Variants in ATP11A observed in about 807,000 individuals in gnomAD.
ATP11A encodes phospholipid-transporting ATPase IH.
A neutral mutation model predicts 154.4 loss-of-function variants in ATP11A; 81 were observed. The ratio of observed to expected loss-of-function variants is 0.52; its 90% CI spans 0.44 to 0.63. The LOEUF (loss-of-function observed/expected upper bound fraction) is 0.63, where lower values mean the gene tolerates loss of function less well. ATP11A is among the 30% of genes least tolerant of loss of function. The pLI, the probability that ATP11A is intolerant of heterozygous loss-of-function variation, is 0.00. For synonymous variants in ATP11A, 623 were observed against 585.9 expected (o/e 1.06, Z -0.91); for missense variants, 1,316 against 1,474.3 (o/e 0.89, Z 1.76).
chr13:112,805,198 A>T, intron 3 of ATP11A, 152 bp downstream of exon 3: 1 of 499,972 alleles, frequency 2.0e-6, no homozygotes, highest in Non-Finnish European at 3.4e-6. Context: ...GGAAGGGCAA[A>T]ATGTCTTGGT....
In ATP11A at chr13:112,838,668, G is replaced by A. The variant is rs2079307616; in HGVS notation, c.1705+2417G>A. 1.1e-4 allele frequency among the ~76,000 whole-genome samples: 16 copies of A among 152,232 alleles called. 1 individual carries two copies. Among genetic ancestry groups the A allele is most frequent in the Admixed American group, 1.0e-3 (16 of 15,288 alleles). On this transcript the variant is annotated intron_variant, in intron 16 of 29. Coordinates refer to ENST00000375645, the MANE Select transcript of ATP11A (RefSeq NM_015205.3). The surrounding 1 kb of genome is among the most constrained non-coding windows in gnomAD (Gnocchi z 7.3). ...CTGAAGAGCCGCTGGATCACTCGAA[G>A]AATCCGGGTTGGAGGCATTTGTGCC... is the stretch of plus-strand genomic sequence containing the variant.
At chr13:112,726,145 C>T (rs557009337) in intron 1 of ATP11A, among the ~76,000 whole-genome samples, 9 of 152,326 alleles carry the variant, frequency 5.9e-5, no homozygotes, top group East Asian at 1.9e-4. Context: ...GGATGGGGCA[C>T]GGCGTGCGTG....
chr13:112,865,869 G>C (rs899144444), intron 25 of ATP11A, among the ~76,000 whole-genome samples: 6 of 152,202 alleles, frequency 3.9e-5, no homozygotes, highest in African/African-American at 1.4e-4. Context: ...GAGGTTTTCA[G>C]ACTTTATCTC....
chr13:112,772,400 G>A (rs2077247368), intron 1 of ATP11A, among the ~76,000 whole-genome samples: 1 of 152,234 alleles, frequency 6.6e-6, no homozygotes, highest in Non-Finnish European at 1.5e-5. Context: ...TCGCGAGTGT[G>A]TAGGAAGAGA....
intron 11 of ATP11A, among the ~76,000 whole-genome samples, chr13:112,826,039 A>G (rs2078924913): frequency 6.6e-6 from 1 of 151,818 alleles, no homozygotes; most frequent in Non-Finnish European, 1.5e-5. Flanking sequence ...GAGCAGGGCC[A>G]TGAACAAACC....
At chr13:112,808,591 G>A (rs1309371577) in intron 4 of ATP11A, among the ~76,000 whole-genome samples, 2 of 151,998 alleles carry the variant, frequency 1.3e-5, no homozygotes, top group African/African-American at 4.8e-5. Context: ...CTCCAGCAGG[G>A]CTGTTTGTGC....
chr13:112,753,129 C>A lies in ATP11A; in HGVS notation c.40-32006C>A, dbSNP rs570941414. 5.9e-5 allele frequency among the ~76,000 whole-genome samples: 9 copies of A among 152,270 alleles called. No homozygotes were observed. The South Asian group carries it at 1.2e-3, about 21-fold the overall frequency. On this transcript the variant is annotated intron_variant, in intron 1 of 29. Transcript: ENST00000375645. This position sits in a 1 kb window ranked among gnomAD's most constrained non-coding sequence, Gnocchi z 4.1. ...TGGCTTACAGTTACCCCGGCCCAGA[C>A]TTTTTTCTCTCTGTCCCTCCGTCCC...
At chr13:112,835,827 C>T (rs925578291) in intron 15 of ATP11A, among the ~76,000 whole-genome samples, 2 of 152,244 alleles carry the variant, frequency 1.3e-5, no homozygotes, top group Non-Finnish European at 2.9e-5. Context: ...CAATCTCTGA[C>T]ACAACTTTGA....
chr13:112,874,509 A>G (rs1594249683), intron 27 of ATP11A, among the ~76,000 whole-genome samples: 1 of 152,174 alleles, frequency 6.6e-6, no homozygotes, highest in Non-Finnish European at 1.5e-5. Context: ...GTATGGGCCC[A>G]GGGCCAGGTC....
intron 1 of ATP11A, among the ~76,000 whole-genome samples, chr13:112,726,909 G>A (rs1889946768): frequency 6.6e-6 from 1 of 152,182 alleles, no homozygotes. Context: ...ATGGATAATA[G>A]GGAAAAATCT....
intron 27 of ATP11A, among the ~76,000 whole-genome samples, chr13:112,874,169 C>T (rs868649255): frequency 1.3e-5 from 2 of 152,182 alleles, no homozygotes; most frequent in East Asian, 1.9e-4. Context: ...GGACCTTGCC[C>T]GCAGCAGCCT....
intron 11 of ATP11A, 56 bp downstream of exon 11, chr13:112,825,636 G>A (rs561330376): frequency 5.0e-5 from 76 of 1,518,776 alleles, no homozygotes; most frequent in East Asian, 9.6e-5. Context: ...CCATTATTAC[G>A]AAAATGTGGT....
chr13:112,726,272 A>G (rs1201971450), intron 1 of ATP11A, among the ~76,000 whole-genome samples: 1 of 123,596 alleles, frequency 8.1e-6, no homozygotes, highest in African/African-American at 3.2e-5. Flanking sequence ...GAGGGGCCAG[A>G]GGGCACAGTC....
intron 1 of ATP11A, among the ~76,000 whole-genome samples, chr13:112,721,477 G>T (rs1317487176): frequency 6.6e-6 from 1 of 152,238 alleles, no homozygotes; most frequent in East Asian, 1.9e-4. Context: ...CCCAGAGGTG[G>T]TGTCACCCTG....
intron 1 of ATP11A, among the ~76,000 whole-genome samples, chr13:112,778,569 C>T (rs561302760): frequency 7.2e-5 from 11 of 152,232 alleles, no homozygotes; most frequent in South Asian, 4.1e-4. Context: ...TGTGAACAGC[C>T]GCTGGAGTGA....
chr13:112,739,126 C>T (rs1378900731), intron 1 of ATP11A, among the ~76,000 whole-genome samples: 1 of 152,122 alleles, frequency 6.6e-6, no homozygotes, highest in African/African-American at 2.4e-5. Flanking sequence ...ATAAATTGGA[C>T]TAGATTAAAA....
At chr13:112,824,057 A>AT (rs1202510813) in intron 9 of ATP11A, among the ~76,000 whole-genome samples, 1 of 152,116 alleles carries the variant, frequency 6.6e-6, no homozygotes, top group East Asian at 1.9e-4. Context: ...TTCCATCCCC[A>AT]GTTGGTAGAA....
At chr13:112,761,537 A>G (rs1594586653) in intron 1 of ATP11A, among the ~76,000 whole-genome samples, 1 of 149,984 alleles carries the variant, frequency 6.7e-6, no homozygotes, top group Non-Finnish European at 1.5e-5. Flanking sequence ...TCGGTACTCT[A>G]TTGGTTTCAG....
rs1196874567 is a variant in ATP11A, at chr13:112,881,138, C to T, written c.*10-738C>T. 6 of 987,550 alleles carry T rather than the reference C, an allele frequency of 6.1e-6. No homozygotes were observed. In the East Asian group the frequency reaches 6.8e-4, roughly 112 times the overall value. The allele number at this position is 987,550 out of a possible 1,614,324, so 61.2% of individuals were successfully genotyped here. Reference sequence around the variant, plus strand: ...CCATGAAGACATCTGCTCCTGCCAGCATCCGCCGCTGCCCCCTGGTCTAAA... The same window carrying T: ...CCATGAAGACATCTGCTCCTGCCAGTATCCGCCGCTGCCCCCTGGTCTAAA... On this transcript the variant is annotated intron_variant, in intron 29 of 29. Transcript: ENST00000375645.
Sources: gnomAD v4.1 joint callset for allele counts (sites outside exome capture counted in the v4.1 genomes callset) on GRCh38, gnomAD v4.1.1 for gene constraint, Gnocchi (gnomAD v3.1) non-coding constraint, MANE v1.5 for transcripts, NCBI Gene and HGNC (gene_info 2026-07-23, HGNC 2026-07-21) for gene names.